Variants in FRMPD4 observed in about 807,000 individuals in gnomAD.
The protein encoded by FRMPD4 is FERM and PDZ domain containing 4.
Under a neutral mutation model 94.1 loss-of-function variants are expected in FRMPD4, and 22 were observed. That is an observed-to-expected ratio of 0.23 (90% CI 0.17 to 0.33). The LOEUF is 0.33. FRMPD4 is among the 10% of genes least tolerant of loss of function. FRMPD4 has a pLI of 1.00. For missense variants in FRMPD4, 1,111 were observed against 1,339.9 expected (o/e 0.83, Z 2.67); for synonymous variants, 631 against 548.6 (o/e 1.15, Z -2.10).
intron 3 of FRMPD4, among the ~76,000 whole-genome samples, chrX:12,087,144 C>T (rs1183509032): frequency 1.8e-5 from 2 of 111,145 alleles, no homozygotes; most frequent in East Asian, 5.7e-4. Context: ...GAAACAAGTC[C>T]CAGGTCTCAC....
intron 3 of FRMPD4, among the ~76,000 whole-genome samples, chrX:12,088,090 C>T (rs770588673): frequency 8.9e-6 from 1 of 112,338 alleles, no homozygotes; most frequent in East Asian, 2.8e-4. Flanking sequence ...CCTGGGCTCA[C>T]GTTCCCATCT....
chrX:12,406,686 T>C (rs1225208742), intron 1 of FRMPD4, among the ~76,000 whole-genome samples: 1 of 112,133 alleles, frequency 8.9e-6, no homozygotes, highest in African/African-American at 3.2e-5. Context: ...AACTCTGCAT[T>C]GTAGCACTCA....
intron 1 of FRMPD4, among the ~76,000 whole-genome samples, chrX:11,855,361 A>C (rs926341875): frequency 8.9e-6 from 1 of 112,352 alleles, no homozygotes; most frequent in Admixed American, 9.3e-5. Flanking sequence ...CTTGGTGATT[A>C]ACATTTGGCT....
chrX:12,489,124 T>C (rs2057767551), intron 1 of FRMPD4, among the ~76,000 whole-genome samples: 1 of 111,950 alleles, frequency 8.9e-6, no homozygotes, highest in Admixed American at 9.5e-5. Context: ...ACTTAGAACT[T>C]AGCCTCCTCA....
At chrX:12,582,245 TTC>T (rs2058873589) in intron 2 of FRMPD4, among the ~76,000 whole-genome samples, 1 of 112,446 alleles carries the variant, frequency 8.9e-6, no homozygotes, top group Admixed American at 9.4e-5. Flanking sequence ...GATGGTTGCT[TTC>T]TCTTTGTATT....
At chrX:12,561,263 TAAAA>T (rs1046939762) in intron 2 of FRMPD4, among the ~76,000 whole-genome samples, 2 of 112,387 alleles carry the variant, frequency 1.8e-5, no homozygotes, top group African/African-American at 6.5e-5. Flanking sequence ...ATAAAAACAA[TAAAA>T]AAAGTTAAAA....
At chrX:11,971,784 C>T (rs60265909) in intron 3 of FRMPD4, among the ~76,000 whole-genome samples, 1 of 111,961 alleles carries the variant, frequency 8.9e-6, no homozygotes, top group Non-Finnish European at 1.9e-5. Context: ...TTAGGTACCC[C>T]TAAGAAAGAA....
At chrX:12,087,498 G>A (rs891646062) in intron 3 of FRMPD4, among the ~76,000 whole-genome samples, 2 of 111,747 alleles carry the variant, frequency 1.8e-5, no homozygotes, top group Non-Finnish European at 3.8e-5. Flanking sequence ...AGACAGGTCT[G>A]TTTACCCAAG....
At chrX:11,908,594 C>G (rs769191063) in intron 3 of FRMPD4, among the ~76,000 whole-genome samples, 2 of 111,645 alleles carry the variant, frequency 1.8e-5, no homozygotes, top group South Asian at 3.8e-4. Flanking sequence ...CACTGCTAGC[C>G]CCATGTGACA....
intron 2 of FRMPD4, among the ~76,000 whole-genome samples, chrX:12,544,160 C>T (rs1326285808): frequency 9.2e-6 from 1 of 109,283 alleles, no homozygotes; most frequent in African/African-American, 3.3e-5. Context: ...GGGTGCAGCA[C>T]ACCAACATGG....
upstream of FRMPD4, among the ~76,000 whole-genome samples, chrX:12,136,924 C>CACAT (rs200733848): frequency 4.8e-5 from 5 of 104,502 alleles, no homozygotes; most frequent in East Asian, 2.9e-4. Flanking sequence ...CACACACACA[C>CACAT]ATACACACAC....
At chrX:12,034,639 G>A (rs889189497) in intron 3 of FRMPD4, among the ~76,000 whole-genome samples, 3 of 111,784 alleles carry the variant, frequency 2.7e-5, no homozygotes, top group Admixed American at 9.5e-5. Flanking sequence ...TAGACCATTC[G>A]TTTCCAGTCT....
chrX:12,242,248 A>G (rs1038948205), intron 1 of FRMPD4, among the ~76,000 whole-genome samples: 10 of 111,757 alleles, frequency 8.9e-5, no homozygotes, highest in African/African-American at 2.9e-4. Flanking sequence ...ATGCATTTCT[A>G]TTAGATGATC....
intron 2 of FRMPD4, among the ~76,000 whole-genome samples, chrX:12,502,068 T>C (rs1290409078): frequency 1.8e-5 from 2 of 112,078 alleles, no homozygotes; most frequent in Non-Finnish European, 3.8e-5. Context: ...TGAGGATCAG[T>C]AAAAAATCCT....
chrX:12,026,388 A>G (rs1420676066), intron 3 of FRMPD4, among the ~76,000 whole-genome samples: 1 of 112,079 alleles, frequency 8.9e-6, no homozygotes, highest in Non-Finnish European at 1.9e-5. Flanking sequence ...TGGATTTTGC[A>G]ATAAAATAAG....
At chrX:12,398,196 C>T (rs7876923) in intron 1 of FRMPD4, among the ~76,000 whole-genome samples, 7,105 of 111,860 alleles carry the variant, frequency 0.064, 532 homozygotes, top group African/African-American at 0.22. Flanking sequence ...TTTACCTCTG[C>T]CATGGTTTAG....
chrX:12,495,654 G>A (rs1459962782), intron 1 of FRMPD4, among the ~76,000 whole-genome samples: 1 of 111,256 alleles, frequency 9.0e-6, no homozygotes, highest in Non-Finnish European at 1.9e-5. Flanking sequence ...CTGGGACTAT[G>A]CTTCTCAAAC....
At chrX:12,133,455 C>T (rs753635099) in intron 3 of FRMPD4, among the ~76,000 whole-genome samples, 1 of 109,783 alleles carries the variant, frequency 9.1e-6, no homozygotes, top group South Asian at 4.0e-4. Flanking sequence ...TATACGGTCT[C>T]ACTCTGTTCC....
chrX:12,058,483 A>C (rs1033449132), intron 3 of FRMPD4, among the ~76,000 whole-genome samples: 1 of 110,941 alleles, frequency 9.0e-6, no homozygotes, highest in Admixed American at 9.6e-5. Flanking sequence ...ACAAGAGTCA[A>C]TCATAAAATA....
Sources: gnomAD v4.1 joint callset for allele counts (sites outside exome capture counted in the v4.1 genomes callset) on GRCh38, gnomAD v4.1.1 for gene constraint, MANE v1.5 for transcripts, NCBI Gene and HGNC (gene_info 2026-07-23, HGNC 2026-07-21) for gene names.